Variants in AHRR observed in about 807,000 individuals in gnomAD.
The protein encoded by AHRR is ahR repressor.
Under a neutral mutation model 44.0 loss-of-function variants are expected in AHRR, and 28 were observed. The ratio of observed to expected loss-of-function variants is 0.64; its 90% CI spans 0.47 to 0.87. The LOEUF (loss-of-function observed/expected upper bound fraction) is 0.87. AHRR is among the 40% of genes least tolerant of loss of function. The pLI is 0.00. For synonymous variants in AHRR, 434 were observed against 407.0 expected, an observed-to-expected ratio of 1.07 and a Z score of -0.80; for missense variants, 990 against 953.9, an observed-to-expected ratio of 1.04 and a Z score of -0.50.
At chr5:417,345 C>T (rs998720596) in intron 5 of AHRR, among the ~76,000 whole-genome samples, 1 of 150,000 alleles carries the variant, frequency 6.7e-6, no homozygotes, top group African/African-American at 2.5e-5. Flanking sequence ...TGTGCAGGGC[C>T]TGAGTTTAGA....
At chr5:378,894 T>C (rs992530664) in intron 4 of AHRR, among the ~76,000 whole-genome samples, 1 of 152,240 alleles carries the variant, frequency 6.6e-6, no homozygotes, top group Non-Finnish European at 1.5e-5. Flanking sequence ...AGTGTATGGT[T>C]ACTGCAGGAT....
intron 1 of AHRR, among the ~76,000 whole-genome samples, chr5:340,689 T>TATATATATATATATA (rs1491423678): frequency 5.8e-4 from 10 of 17,384 alleles, no homozygotes; most frequent in African/African-American, 1.0e-3. Flanking sequence ...TATATATATA[T>TATATATATATATATA]TTTTTTTTTT....
At chr5:349,141 C>T (rs62331561) in intron 2 of AHRR, among the ~76,000 whole-genome samples, 21,278 of 152,142 alleles carry the variant, frequency 0.14, 1,682 homozygotes, top group African/African-American at 0.16. Context: ...AATAATTGCC[C>T]GTGTTCTTAT....
In AHRR at chr5:342,973, C is replaced by A. The variant is rs1742395166; in HGVS notation, c.-10-920C>A. Among the ~76,000 whole-genome samples, 1 of 152,128 alleles carries A rather than the reference C, an allele frequency of 6.6e-6. No homozygotes were observed. Among genetic ancestry groups the A allele is most frequent in the Non-Finnish European group, 1.5e-5 (1 of 68,024 alleles). On this transcript the variant is annotated intron_variant, in intron 1 of 10. Transcript: ENST00000684583. This position sits in a 1 kb window ranked among gnomAD's most constrained non-coding sequence, Gnocchi z 4.3. ...GTGAGCTAGTGACTTAAGTGGAATC[C>A]CAGGACTGTAGAGTGGAGTAGAATT... is the stretch of plus-strand genomic sequence containing the variant.
Position 434,318 on chromosome 5 carries a change from G to C in AHRR, c.1578G>C (p.Thr526=), listed in dbSNP as rs35797996. The change falls in exon 11 of 11, where the codon ACG becomes ACC. Residue 526 remains threonine (T), a synonymous_variant. Transcript: ENST00000684583. ...CTCCGGGGGACCTGTGTGGTCCGAC[G>C]CTGCTGCTAGATGTGTCCATCAAGA... is the stretch of plus-strand genomic sequence containing the variant. ...PMPPGDLCGP[T]LLLDVSIKME... 1.9e-6 allele frequency: 3 copies of C among 1,611,310 alleles called. No individual in the cohort carries two copies. In the East Asian group the frequency reaches 6.7e-5, roughly 36 times the overall value.
intron 1 of AHRR, among the ~76,000 whole-genome samples, chr5:324,021 T>TTCTC (rs923288692): frequency 6.0e-5 from 8 of 132,478 alleles, no homozygotes; most frequent in Non-Finnish European, 6.3e-5. Flanking sequence ...CTTTCTTTCT[T>TTCTC]TCTCTCTCTC....
At chr5:373,973 A>C (rs373918364) in intron 3 of AHRR, among the ~76,000 whole-genome samples, 1 of 149,626 alleles carries the variant, frequency 6.7e-6, no homozygotes, top group African/African-American at 2.5e-5. Context: ...CGATGCCGGG[A>C]GGGGCGCGCC....
Position 403,319 on chromosome 5 carries a change from C to T in AHRR, c.352-10025C>T, listed in dbSNP as rs138201865. On this transcript the variant is annotated intron_variant, in intron 4 of 10. Transcript: ENST00000684583. ...CACAACAATGTGGACGTGCTTAATG[C>T]CACTGAGCTCAAAATGACTGAAATT... 8.5e-5 allele frequency among the ~76,000 whole-genome samples: 13 copies of T among 152,220 alleles called. No individual in the cohort carries two copies. In the East Asian group the frequency reaches 2.3e-3, roughly 27 times the overall value.
Position 422,793 on chromosome 5 carries a change from G to A in AHRR, c.506G>A (p.Arg169Gln), listed in dbSNP as rs865979312. The change falls in exon 6 of 11, where the codon CGG (arginine) becomes CAG (glutamine). Residue 169 changes from arginine to glutamine, a missense_variant. Arg to Gln is a conservative substitution (Grantham distance 43). Coordinates refer to ENST00000684583, the MANE Select transcript of AHRR (RefSeq NM_001377236.1). Reference protein sequence around the residue: ...IHVDDRQDFCRQLHWAMDPPQ... With the variant: ...IHVDDRQDFCQQLHWAMDPPQ... Reference sequence around the variant, plus strand: ...GTGGACGACCGCCAGGACTTCTGCCGGCAGCTCCACTGGGCCATGGACCCT... The same window carrying A: ...GTGGACGACCGCCAGGACTTCTGCCAGCAGCTCCACTGGGCCATGGACCCT... 6.8e-6 allele frequency: 11 copies of A among 1,613,964 alleles called. No individual in the cohort carries two copies. The highest frequency in any genetic ancestry group is 5.3e-5 in the African/African-American group (4 of 74,900).
chr5:345,306 G>T (rs1476057906), intron 2 of AHRR, among the ~76,000 whole-genome samples: 2 of 117,130 alleles, frequency 1.7e-5, no homozygotes, highest in Non-Finnish European at 3.3e-5. Flanking sequence ...CTGGCTGTGT[G>T]TGGGGATGTG....
At chr5:369,789 A>G (rs773704917) in intron 3 of AHRR, among the ~76,000 whole-genome samples, 1 of 152,274 alleles carries the variant, frequency 6.6e-6, no homozygotes, top group Non-Finnish European at 1.5e-5. Context: ...TGTGGCCATC[A>G]AGAATCACTA....
intron 8 of AHRR, among the ~76,000 whole-genome samples, chr5:429,636 C>T (rs999764276): frequency 1.4e-4 from 21 of 152,244 alleles, no homozygotes; most frequent in African/African-American, 4.3e-4. Flanking sequence ...CCTTGCCGCG[C>T]GATCCTGCAG....
intron 1 of AHRR, among the ~76,000 whole-genome samples, chr5:331,175 A>G (rs61464535): frequency 0.098 from 14,964 of 152,094 alleles, 2,377 homozygotes; most frequent in African/African-American, 0.33. Context: ...GCGCCTGGCC[A>G]GTTGTGAGCT....
intron 1 of AHRR, 123 bp from the exon 2 acceptor site, chr5:343,768 GGT>G (rs1742453421): frequency 2.2e-6 from 2 of 904,750 alleles, no homozygotes; most frequent in Admixed American, 5.2e-5. Flanking sequence ...AGGAGCAGGA[GGT>G]GGGGGCCTCG....
In AHRR at chr5:375,152, C is replaced by T. The variant is rs185335801; in HGVS notation, c.245-1458C>T. ...CACTCTCAGGTGACAGACACAGTGC[C>T]CCTGGGGCTGGAGACTGGGAGTCCA... On this transcript the variant is annotated intron_variant, in intron 3 of 10. Coordinates refer to ENST00000684583, the MANE Select transcript of AHRR (RefSeq NM_001377236.1). Among the ~76,000 whole-genome samples, 94 of 152,334 alleles carry T rather than the reference C, an allele frequency of 6.2e-4. 1 individual carries two copies. Among genetic ancestry groups the T allele is most frequent in the Admixed American group, 4.3e-3 (66 of 15,312 alleles).
chr5:397,472 A>ATAGCCCCTGACCATCCACG (rs1560907084), intron 4 of AHRR, among the ~76,000 whole-genome samples: 20 of 37,744 alleles, frequency 5.3e-4, no homozygotes, highest in African/African-American at 2.3e-3. Flanking sequence ...GACCATCCAC[A>ATAGCCCCTGACCATCCACG]TAGCCCCTGA....
In AHRR at chr5:434,990, C is replaced by T. The variant is rs1058338; in HGVS notation, c.*156C>T. The T allele has an allele frequency of 0.17, 187,688 of 1,092,046 alleles. 18,229 individuals carry two copies. The highest frequency in any genetic ancestry group is 0.2 in the Non-Finnish European group (159,156 of 788,910). The allele number at this position is 1,092,046 out of a possible 1,614,324, so 67.6% of individuals were successfully genotyped here. A position where few individuals can be genotyped will look rare whatever the true frequency, so the allele number is the denominator to read the frequency against. ...TCTGCTAGTGTGTGTGTGCAGCATA[C>T]GCAGGAGCCTATCCTGAATTTTGTA... is the stretch of plus-strand genomic sequence containing the variant. On this transcript the variant is annotated 3_prime_UTR_variant, in exon 11 of 11. Transcript: ENST00000684583.
chr5:378,548 C>T (rs1016175581), intron 4 of AHRR, among the ~76,000 whole-genome samples: 3 of 152,244 alleles, frequency 2.0e-5, no homozygotes, highest in Admixed American at 2.0e-4. Flanking sequence ...TCCAAGCCTC[C>T]GGCCTTCCCC....
intron 1 of AHRR, among the ~76,000 whole-genome samples, chr5:334,689 G>C (rs1742058046): frequency 6.6e-6 from 1 of 152,094 alleles, no homozygotes; most frequent in Non-Finnish European, 1.5e-5. Context: ...CTGGGATTTT[G>C]AGGATTTCTT....
Sources: gnomAD v4.1 joint callset for allele counts (sites outside exome capture counted in the v4.1 genomes callset) on GRCh38, gnomAD v4.1.1 for gene constraint, Gnocchi (gnomAD v3.1) non-coding constraint, MANE v1.5 for transcripts, NCBI Gene and HGNC (gene_info 2026-07-23, HGNC 2026-07-21) for gene names.